The following MAGI2 variants were observed in gnomAD, a reference collection of about 807,000 sequenced individuals.
MAGI2 encodes membrane-associated guanylate kinase, WW and PDZ domain-containing protein 2.
In MAGI2, 35 loss-of-function variants were observed where a neutral mutation model predicts 133.3. The observed-to-expected ratio is 0.26, with a 90% CI of 0.20 to 0.35. The LOEUF (loss-of-function observed/expected upper bound fraction) is 0.35. Ranked by LOEUF, MAGI2 falls within the 10% of genes least tolerant of loss-of-function variation. The pLI is 1.00. For synonymous variants in MAGI2, 729 were observed against 710.6 expected, an observed-to-expected ratio of 1.03 and a Z score of -0.41; for missense variants, 1,636 against 1,863.4, an observed-to-expected ratio of 0.88 and a Z score of 2.25.
At chr7:78,265,434 C>T (rs1398621480) in intron 9 of MAGI2, among the ~76,000 whole-genome samples, 4 of 152,080 alleles carry the variant, frequency 2.6e-5, no homozygotes, top group African/African-American at 9.7e-5. Flanking sequence ...ATAAAATGGT[C>T]AATGAATCTG....
At chr7:78,696,788 G>A (rs12531558) in intron 2 of MAGI2, among the ~76,000 whole-genome samples, 7,826 of 152,174 alleles carry the variant, frequency 0.051, 283 homozygotes, top group Non-Finnish European at 0.077. Context: ...AGGATGTGTT[G>A]AGTGGTTTGA....
intron 1 of MAGI2, among the ~76,000 whole-genome samples, chr7:79,182,647 A>C (rs997704758): frequency 1.3e-5 from 2 of 151,986 alleles, no homozygotes; most frequent in African/African-American, 4.8e-5. Flanking sequence ...AGAACTAAAA[A>C]TAGAAGTACC....
At chr7:79,391,931 G>A (rs544216541) in intron 1 of MAGI2, among the ~76,000 whole-genome samples, 3 of 151,990 alleles carry the variant, frequency 2.0e-5, no homozygotes, top group East Asian at 2.0e-4. Context: ...TGATCTGCCC[G>A]CCTTGGCCTC....
intron 9 of MAGI2, among the ~76,000 whole-genome samples, chr7:78,296,506 G>C (rs1396698135): frequency 2.6e-5 from 4 of 152,074 alleles, no homozygotes; most frequent in Admixed American, 1.3e-4. Flanking sequence ...ATCCAGGAGG[G>C]ATTTATTTAT....
Position 78,650,475 on chromosome 7 carries a change from G to A in MAGI2, c.419-23236C>T, listed in dbSNP as rs548834095. ...CATGGGAGTAAGCAAAGGAAAAAGA[G>A]CTGGGTCCCAAAGAACTAAACCAGG... On this transcript the variant is annotated intron_variant, in intron 2 of 21. Transcript: ENST00000354212. 6.6e-5 allele frequency among the ~76,000 whole-genome samples: 10 copies of A among 152,236 alleles called. 1 individual carries two copies. Among genetic ancestry groups the A allele is most frequent in the Admixed American group, 6.5e-4 (10 of 15,284 alleles).
chr7:78,340,152 G>A (rs902895095), intron 9 of MAGI2, among the ~76,000 whole-genome samples: 5 of 152,186 alleles, frequency 3.3e-5, no homozygotes, highest in African/African-American at 4.8e-5. Context: ...AGAACTGATT[G>A]AGTTTATAAA....
At chr7:78,843,319 A>G (rs570856770) in intron 2 of MAGI2, among the ~76,000 whole-genome samples, 1 of 152,036 alleles carries the variant, frequency 6.6e-6, no homozygotes, top group South Asian at 2.1e-4. Context: ...ATTAGTATCC[A>G]GTACAATCCT....
At chr7:78,616,577 A>G (rs1476248612) in intron 3 of MAGI2, 1 of 152,162 alleles carries the variant, frequency 6.6e-6, no homozygotes, top group East Asian at 1.9e-4. Flanking sequence ...GATAAGAACT[A>G]CATCCCAGAT....
At chr7:78,346,398 T>C (rs1790908695) in intron 7 of MAGI2, among the ~76,000 whole-genome samples, 1 of 152,192 alleles carries the variant, frequency 6.6e-6, no homozygotes, top group Non-Finnish European at 1.5e-5. Context: ...CTGAATGGTA[T>C]TGAAGAAAAG....
intron 2 of MAGI2, among the ~76,000 whole-genome samples, chr7:78,892,699 C>T (rs1465624978): frequency 1.3e-5 from 2 of 152,140 alleles, no homozygotes; most frequent in African/African-American, 4.8e-5. Flanking sequence ...AAACTGGATC[C>T]CTTCCTTACA....
At chr7:78,215,454 A>G (rs1005408952) in intron 10 of MAGI2, among the ~76,000 whole-genome samples, 2 of 152,200 alleles carry the variant, frequency 1.3e-5, no homozygotes, top group Non-Finnish European at 2.9e-5. Context: ...GATATGAGTA[A>G]GACATCAACA....
At chr7:78,602,454 C>G (rs1190177880) in intron 3 of MAGI2, among the ~76,000 whole-genome samples, 1 of 152,136 alleles carries the variant, frequency 6.6e-6, no homozygotes, top group Non-Finnish European at 1.5e-5. Flanking sequence ...GCCACCATAC[C>G]CGGCCGATTA....
chr7:78,848,354 A>G (rs1792812215), intron 2 of MAGI2, among the ~76,000 whole-genome samples: 1 of 151,980 alleles, frequency 6.6e-6, no homozygotes, highest in South Asian at 2.1e-4. Flanking sequence ...TCACAAATCT[A>G]TCCACAATGT....
intron 2 of MAGI2, among the ~76,000 whole-genome samples, chr7:78,981,556 T>A (rs1804787133): frequency 6.6e-6 from 1 of 151,982 alleles, no homozygotes; most frequent in Non-Finnish European, 1.5e-5. Flanking sequence ...TCATTTTATA[T>A]CTTTCAGATT....
At chr7:78,193,827 TCC>T (rs1170315093) in intron 12 of MAGI2, among the ~76,000 whole-genome samples, 16 of 151,032 alleles carry the variant, frequency 1.1e-4, no homozygotes, top group Non-Finnish European at 2.1e-4. Flanking sequence ...TGGCTTGCCA[TCC>T]TAACTATTTT....
intron 21 of MAGI2, among the ~76,000 whole-genome samples, chr7:78,054,728 C>T (rs528926267): frequency 2.6e-5 from 4 of 152,008 alleles, no homozygotes; most frequent in South Asian, 2.1e-4. Flanking sequence ...GGTGCAATCA[C>T]GGCTCACTGC....
rs553876210 is a variant in MAGI2 at position 78,765,028 on chromosome 7, C to T, written c.419-137789G>A. Among the ~76,000 whole-genome samples the T allele has an allele frequency of 8.4e-4, 128 of 152,224 alleles. 1 individual carries two copies. The South Asian group carries it at 0.023, about 27-fold the overall frequency. On this transcript the variant is annotated intron_variant, in intron 2 of 21. Transcript: ENST00000354212. ...AGGAAAAGAGGTACCTTAGGAGGAA[C>T]GGAGAGGGAAAGACAGACTATGATT...
intron 2 of MAGI2, among the ~76,000 whole-genome samples, chr7:78,933,886 C>T (rs1272491013): frequency 1.3e-5 from 2 of 152,036 alleles, no homozygotes; most frequent in African/African-American, 2.4e-5. Context: ...AGATTCCCTC[C>T]GCATCCCTAG....
At chr7:78,305,788 T>C (rs1052676739) in intron 9 of MAGI2, among the ~76,000 whole-genome samples, 1 of 152,190 alleles carries the variant, frequency 6.6e-6, no homozygotes, top group African/African-American at 2.4e-5. Context: ...ACCTGATTGG[T>C]AATATAGTCT....
Sources: allele counts gnomAD v4.1 joint callset (sites outside exome capture counted in the v4.1 genomes callset), GRCh38; gene constraint gnomAD v4.1.1; transcripts MANE v1.5; gene names NCBI Gene and HGNC (gene_info 2026-07-23, HGNC 2026-07-21).